The following RSRC1 variants were observed in gnomAD, a reference collection of about 807,000 sequenced individuals.
RSRC1 encodes arginine and serine rich coiled-coil 1.
RSRC1 carries 39 observed loss-of-function variants against 49.1 expected under a neutral mutation model. That is an observed-to-expected ratio of 0.79 (90% CI 0.61 to 1.04). The LOEUF (loss-of-function observed/expected upper bound fraction) is 1.04. RSRC1 is among the 50% of genes least tolerant of loss of function. The pLI, the probability that RSRC1 is intolerant of heterozygous loss-of-function variation, is 0.00. For missense variants in RSRC1, 388 were observed against 402.4 expected, an observed-to-expected ratio of 0.96 and a Z score of 0.31; for synonymous variants, 143 against 130.8, an observed-to-expected ratio of 1.09 and a Z score of -0.63.
In RSRC1 at chr3:158,214,400, T is replaced by C. The variant is rs575352769; in HGVS notation, c.494+11155T>C. On this transcript the variant is annotated intron_variant, in intron 4 of 9. Coordinates refer to ENST00000611884, the MANE Select transcript of RSRC1 (RefSeq NM_001271838.2). ...GAGGATTTTTTGGGGTTCATTGATA[T>C]CTTTTGTCAATGTTTTTCTTTGTTC... Among the ~76,000 whole-genome samples, 23 of 151,978 alleles carry C rather than the reference T, an allele frequency of 1.5e-4. No homozygotes were observed. In the East Asian group the frequency reaches 4.5e-3, roughly 29 times the overall value.
intron 4 of RSRC1, among the ~76,000 whole-genome samples, chr3:158,205,616 A>C (rs1426397721): frequency 2.0e-5 from 3 of 152,106 alleles, no homozygotes; most frequent in Non-Finnish European, 4.4e-5. Flanking sequence ...GAAAAGTAAA[A>C]AGAGCTGTGG....
intron 4 of RSRC1, among the ~76,000 whole-genome samples, chr3:158,203,668 G>A (rs1016552525): frequency 5.9e-5 from 9 of 152,138 alleles, no homozygotes; most frequent in African/African-American, 2.2e-4. Context: ...AAAGTATAAA[G>A]TTGAAACAGA....
chr3:158,270,747 AT>A (rs1725473433), intron 4 of RSRC1, among the ~76,000 whole-genome samples: 1 of 152,184 alleles, frequency 6.6e-6, no homozygotes, highest in African/African-American at 2.4e-5. Flanking sequence ...GGACTTTAAA[AT>A]ATACAGATTC....
intron 3 of RSRC1, among the ~76,000 whole-genome samples, chr3:158,194,101 A>G (rs1720402731): frequency 7.6e-6 from 1 of 132,294 alleles, no homozygotes; most frequent in Admixed American, 7.8e-5. Context: ...ACACACACAC[A>G]CAGAAAAGAA....
intron 7 of RSRC1, among the ~76,000 whole-genome samples, chr3:158,479,589 A>G (rs538837484): frequency 4.3e-4 from 66 of 152,150 alleles, no homozygotes; most frequent in African/African-American, 1.6e-3. Flanking sequence ...ACCAAGCTTG[A>G]TACCCCTCCT....
intron 5 of RSRC1, among the ~76,000 whole-genome samples, chr3:158,350,179 A>ATAAT (rs1730792537): frequency 1.5e-4 from 19 of 126,534 alleles, no homozygotes; most frequent in East Asian, 7.0e-4. Context: ...TATATATATA[A>ATAAT]TTTTTTTTTT....
At chr3:158,327,846 A>T (rs1194537457) in intron 5 of RSRC1, among the ~76,000 whole-genome samples, 2 of 152,118 alleles carry the variant, frequency 1.3e-5, no homozygotes, top group East Asian at 3.9e-4. Context: ...AAAGTCTCCC[A>T]TTATTATTGT....
chr3:158,523,321 A>ATTCTTT (rs1337870361), intron 7 of RSRC1, among the ~76,000 whole-genome samples: 3 of 152,084 alleles, frequency 2.0e-5, no homozygotes, highest in Non-Finnish European at 2.9e-5. Flanking sequence ...AAATGAAAAC[A>ATTCTTT]ACCTTGAATA....
rs536951471 is a variant in RSRC1 at position 158,437,117 on chromosome 3, C to A, written c.584-23818C>A. 2.7e-3 allele frequency among the ~76,000 whole-genome samples: 381 copies of A among 139,766 alleles called. 1 individual carries two copies. The highest frequency in any genetic ancestry group is 7.3e-3 in the South Asian group (32 of 4,408). The allele number at this position is 139,766 out of a possible 152,430, so 91.7% of individuals were successfully genotyped here. On this transcript the variant is annotated intron_variant, in intron 6 of 9. Transcript: ENST00000611884. ...TTCTTTTTATAGATGTACACACACA[C>A]AAAAAAAAAAACCTTTGGATGGGGA...
rs1719482153 is a variant in RSRC1 at position 158,179,972 on chromosome 3, T to A, written c.321-23100T>A. On this transcript the variant is annotated intron_variant, in intron 3 of 9. Coordinates refer to ENST00000611884, the MANE Select transcript of RSRC1 (RefSeq NM_001271838.2). Reference sequence around the variant, plus strand: ...ATTGTAATTTTAATTTGCATTTCTCTAATGGTTAATGATGCTGAACAACTT... The same window carrying A: ...ATTGTAATTTTAATTTGCATTTCTCAAATGGTTAATGATGCTGAACAACTT... Among the ~76,000 whole-genome samples, 3 of 152,228 alleles carry A rather than the reference T, an allele frequency of 2.0e-5. No homozygotes were observed. In the South Asian group the frequency reaches 6.2e-4, roughly 32 times the overall value.
intron 4 of RSRC1, among the ~76,000 whole-genome samples, chr3:158,215,780 A>G (rs1237643030): frequency 6.6e-6 from 1 of 151,792 alleles, no homozygotes; most frequent in Non-Finnish European, 1.5e-5. Flanking sequence ...TTAATCCTTA[A>G]TTCTGAAAAC....
chr3:158,338,210 C>T (rs1578357941), intron 5 of RSRC1, among the ~76,000 whole-genome samples: 3 of 146,888 alleles, frequency 2.0e-5, no homozygotes, highest in Non-Finnish European at 4.5e-5. Context: ...TATAACTTTG[C>T]TTTTTTTTTT....
Position 158,449,379 on chromosome 3 carries a change from G to A in RSRC1, c.584-11556G>A, listed in dbSNP as rs1578493013. ...TTCTTTGTTTATTTATGTTACAGGA[G>A]AAGAATAGTTTTTTGGAAAATAAAG... On this transcript the variant is annotated intron_variant, in intron 6 of 9. Transcript: ENST00000611884. Among the ~76,000 whole-genome samples the A allele has an allele frequency of 3.9e-5, 6 of 152,014 alleles. No homozygotes were observed. The South Asian group carries it at 1.2e-3, about 31-fold the overall frequency.
At chr3:158,158,217 C>T (rs1717996145) in intron 3 of RSRC1, among the ~76,000 whole-genome samples, 1 of 152,154 alleles carries the variant, frequency 6.6e-6, no homozygotes, top group South Asian at 2.1e-4. Context: ...ACAGTTGACT[C>T]TTGAACAACA....
chr3:158,470,361 C>CACACACATATAT lies in RSRC1; in HGVS notation c.652+9359_652+9360insCACACATATATA, dbSNP rs756776025. The stretch of plus-strand genomic sequence containing the variant: ...ACACACACACACACACACACACACA[C>CACACACATATAT]ATATATATATATATATATAAAACCA... On this transcript the variant is annotated intron_variant, in intron 7 of 9. Transcript: ENST00000611884. Among the ~76,000 whole-genome samples, 201 of 100,322 alleles carry CACACACATATAT rather than the reference C, an allele frequency of 2.0e-3. 1 individual carries two copies. Among genetic ancestry groups the CACACACATATAT allele is most frequent in the Non-Finnish European group, 3.8e-3 (167 of 44,042 alleles). The allele number at this position is 100,322 out of a possible 152,430, so 65.8% of individuals were successfully genotyped here. A position where few individuals can be genotyped will look rare whatever the true frequency, so the allele number is the denominator to read the frequency against.
At chr3:158,131,106 T>A (rs1032672549) in intron 3 of RSRC1, among the ~76,000 whole-genome samples, 5 of 151,744 alleles carry the variant, frequency 3.3e-5, no homozygotes, top group South Asian at 2.1e-4. Context: ...GTTAATTTTT[T>A]AAATTTTTTT....
At position 158,176,096 on chromosome 3, in the gene RSRC1, G is replaced by A. The variant is rs566315080; in HGVS notation, c.321-26976G>A. On this transcript the variant is annotated intron_variant, in intron 3 of 9. Coordinates refer to ENST00000611884, the MANE Select transcript of RSRC1 (RefSeq NM_001271838.2). ...ATACCTAGGAATCCAACTTACAAGGGATGTGAAGGACCTCTTCAAGGAGAA... is the reference window on the plus strand; with the variant it reads ...ATACCTAGGAATCCAACTTACAAGGAATGTGAAGGACCTCTTCAAGGAGAA... Among the ~76,000 whole-genome samples the A allele has an allele frequency of 8.5e-5, 13 of 152,244 alleles. No homozygotes were observed. In the South Asian group the frequency reaches 2.1e-3, roughly 24 times the overall value.
chr3:158,399,170 T>TTTTTTTTTTTTTTTTTTTTTTTG, intron 6 of RSRC1, among the ~76,000 whole-genome samples: 1 of 22,930 alleles, frequency 4.4e-5, no homozygotes, highest in Non-Finnish European at 8.1e-5. Context: ...TTTTTTTTTT[T>TTTTTTTTTTTTTTTTTTTTTTTG]TTGAGACGGA....
At chr3:158,401,386 A>ACTG (rs1344959230) in intron 6 of RSRC1, among the ~76,000 whole-genome samples, 2 of 151,920 alleles carry the variant, frequency 1.3e-5, no homozygotes, top group East Asian at 3.9e-4. Context: ...GCATCAGAAA[A>ACTG]CTGCTCTTTA....
Sources: gnomAD v4.1 joint callset for allele counts (sites outside exome capture counted in the v4.1 genomes callset) on GRCh38, gnomAD v4.1.1 for gene constraint, MANE v1.5 for transcripts, NCBI Gene and HGNC (gene_info 2026-07-23, HGNC 2026-07-21) for gene names.